MPHOSPH9: variants seen among roughly 807,000 people sequenced by gnomAD.
MPHOSPH9 encodes the protein M-phase phosphoprotein 9.
MPHOSPH9 carries 88 observed loss-of-function variants against 145.5 expected under a neutral mutation model. That is an observed-to-expected ratio of 0.60 (90% CI 0.51 to 0.72). The LOEUF is 0.72. MPHOSPH9 is among the 30% of genes least tolerant of loss of function. MPHOSPH9 has a pLI of 0.00. For synonymous variants in MPHOSPH9, 435 were observed against 486.2 expected, an observed-to-expected ratio of 0.89 and a Z score of 1.39; for missense variants, 1,238 against 1,386.6, an observed-to-expected ratio of 0.89 and a Z score of 1.70.
chr12:123,165,665 G>T, intron 17 of MPHOSPH9, 188 bp from the exon 18 acceptor site: 1 of 518,072 alleles, frequency 1.9e-6, no homozygotes, highest in Non-Finnish European at 3.4e-6. Flanking sequence ...TGGGATTAAT[G>T]CCCTTATGAA....
At chr12:123,166,432 CA>C in intron 17 of MPHOSPH9, 1 of 564,738 alleles carries the variant, frequency 1.8e-6, no homozygotes. Flanking sequence ...ATCCTAATCA[CA>C]AACCCATACT....
chr12:123,204,179 G>A (rs1194364431), intron 8 of MPHOSPH9, among the ~76,000 whole-genome samples: 1 of 152,028 alleles, frequency 6.6e-6, no homozygotes, highest in East Asian at 1.9e-4. Context: ...GCGCATGCCT[G>A]TAATCCCAGC....
At chr12:123,190,621 A>C (rs970566756) in intron 13 of MPHOSPH9, among the ~76,000 whole-genome samples, 3 of 152,162 alleles carry the variant, frequency 2.0e-5, no homozygotes, top group Admixed American at 2.0e-4. Flanking sequence ...GAAAGGGAAA[A>C]ACCAGGTTGC....
intron 20 of MPHOSPH9, chr12:123,162,678 C>A (rs2044158859): frequency 9.2e-6 from 2 of 218,192 alleles, no homozygotes; most frequent in Non-Finnish European, 1.8e-5. Context: ...AGGGCCATAC[C>A]AGTAAAGCCC....
chr12:123,154,312 T>C lies in MPHOSPH9; in HGVS notation c.*2495A>G, dbSNP rs1206723177. 6.6e-6 allele frequency: 1 copy of C among 152,076 alleles called. No homozygotes were observed. The highest frequency in any genetic ancestry group is 2.4e-5 in the African/African-American group (1 of 41,390). 9.4% of individuals were successfully genotyped at this position (152,076 alleles called of 1,614,324 possible). ...ATACCCGGGGATAATAGCTGCTATT[T>C]AGAATTGCCATCTTTCCTGCTTTTA... On this transcript the variant is annotated 3_prime_UTR_variant, in exon 24 of 24. Coordinates refer to ENST00000606320, the MANE Select transcript of MPHOSPH9 (RefSeq NM_022782.4).
At position 123,214,804 on chromosome 12, in the gene MPHOSPH9, C is replaced by G. The variant is rs2046889711; in HGVS notation, c.1027G>C (p.Ala343Pro). Residue 343 changes from alanine to proline, a missense_variant, in exon 7 of 24, where the codon GCT becomes CCT. Around this residue, in one of 3 missense-constraint regions of MPHOSPH9, gnomAD observed 837 missense variants for 897.5 expected, o/e 0.93. Transcript: ENST00000606320. ...SDFAAATHPR[A>P]FYLSKPDETP... is the part of the protein sequence containing the mutation. ...TCATCTGGTTTACTGAGGTAAAAAG[C>G]ACGAGGATGTGTAGCAGCAGCAAAA... The G allele has an allele frequency of 3.1e-6, 5 of 1,613,532 alleles. No individual in the cohort carries two copies. The highest frequency in any genetic ancestry group is 1.7e-5 in the Admixed American group (1 of 59,980).
At chr12:123,181,783 C>T (rs1301832939) in intron 13 of MPHOSPH9, among the ~76,000 whole-genome samples, 2 of 152,004 alleles carry the variant, frequency 1.3e-5, no homozygotes, top group Admixed American at 6.6e-5. Flanking sequence ...AGGAGGCTCA[C>T]TTGAGCCTGG....
At chr12:123,167,099 G>A (rs2044353103) in intron 16 of MPHOSPH9, among the ~76,000 whole-genome samples, 1 of 152,054 alleles carries the variant, frequency 6.6e-6, no homozygotes, top group African/African-American at 2.4e-5. Context: ...GTAGCTGAGG[G>A]TAAAGTGCTG....
chr12:123,161,274 C>A lies in MPHOSPH9; in HGVS notation c.3243G>T (p.Lys1081Asn). Residue 1081 changes from lysine to asparagine, a missense_variant, in exon 22 of 24, where the codon AAG (lysine) becomes AAT (asparagine). This residue lies in a region of MPHOSPH9 where 393 missense variants were observed against 462.5 expected (regional missense o/e 0.85). Transcript: ENST00000606320. ...ACTGTTCGTAGCTAACTGATTTATT[C>A]TTCTCCCAGGCTGTTCTCACAGATA... Reference protein sequence around the residue: ...KKVSVRTAWEKNKSVSYEQCK... With the variant: ...KKVSVRTAWENNKSVSYEQCK... The A allele has an allele frequency of 6.2e-7, 1 of 1,614,116 alleles. No homozygotes were observed. The highest frequency in any genetic ancestry group is 2.2e-5 in the East Asian group (1 of 44,882).
rs747612987 is a variant in MPHOSPH9, at chr12:123,165,473, G to T, written c.2596C>A (p.Arg866Ser). ...GAAGAATCCTTTTCCAGAGGTGAAC[G>T]GTGCCTTAAACAATAATTTTAAGAC... ...QLEETCSLGH[R>S]SPLEKDSSPG... is the part of the protein sequence containing the mutation. The change falls in exon 18 of 24, where the codon CGT becomes AGT. Residue 866 changes from arginine (R) to serine (S), a missense_variant. By Grantham distance (110) the Arg-to-Ser change is moderately radical. This residue lies in a region of MPHOSPH9 where 393 missense variants were observed against 462.5 expected (regional missense o/e 0.85). Coordinates refer to ENST00000606320, the MANE Select transcript of MPHOSPH9 (RefSeq NM_022782.4). The T allele has an allele frequency of 6.2e-7, 1 of 1,612,640 alleles. No homozygotes were observed. The highest frequency in any genetic ancestry group is 1.7e-5 in the Admixed American group (1 of 59,834).
At chr12:123,216,526 A>C (rs1409923226) in intron 6 of MPHOSPH9, among the ~76,000 whole-genome samples, 1 of 152,098 alleles carries the variant, frequency 6.6e-6, no homozygotes, top group African/African-American at 2.4e-5. Context: ...TCTGTGACAA[A>C]TTTAGAGCAA....
At chr12:123,242,153 A>T (rs1482433014) in intron 1 of MPHOSPH9, among the ~76,000 whole-genome samples, 1 of 152,192 alleles carries the variant, frequency 6.6e-6, no homozygotes, top group Non-Finnish European at 1.5e-5. Flanking sequence ...TTATCTCTGA[A>T]CTTAACCAAG....
chr12:123,209,039 T>A (rs2046576415), intron 8 of MPHOSPH9, among the ~76,000 whole-genome samples: 1 of 152,142 alleles, frequency 6.6e-6, no homozygotes, highest in African/African-American at 2.4e-5. Flanking sequence ...TTCAAGTGAT[T>A]CTCCTGCCTC....
intron 2 of MPHOSPH9, among the ~76,000 whole-genome samples, chr12:123,228,449 G>C (rs2047512522): frequency 6.6e-6 from 1 of 152,168 alleles, no homozygotes. Context: ...CAGCACTTTG[G>C]GAGGCCAAGG....
At chr12:123,219,231 CAATG>C (rs1487499122) in intron 5 of MPHOSPH9, among the ~76,000 whole-genome samples, 4 of 151,662 alleles carry the variant, frequency 2.6e-5, no homozygotes, top group Non-Finnish European at 4.4e-5. Flanking sequence ...AGCGGTAAGA[CAATG>C]AATTTTTATT....
At position 123,166,578 on chromosome 12, in the gene MPHOSPH9, C is replaced by T. The variant is rs2044329255; in HGVS notation, c.2591+77G>A. On this transcript the variant is annotated intron_variant, in intron 17 of 23. Transcript: ENST00000606320. ...ATTAAAGAACCAAAGAGAGGGCTTC[C>T]CAAACTTTTAAAAGCAATTGAAATC... is the stretch of plus-strand genomic sequence containing the variant. The T allele has an allele frequency of 2.6e-6, 4 of 1,535,208 alleles. No homozygotes were observed. The East Asian group carries it at 6.8e-5, about 26-fold the overall frequency.
chr12:123,179,716 T>A (rs145811563), intron 15 of MPHOSPH9, among the ~76,000 whole-genome samples: 6 of 128,762 alleles, frequency 4.7e-5, no homozygotes, highest in Non-Finnish European at 3.2e-5. Context: ...CCTGTCTCTT[T>A]AAAAAAAAAA....
intron 18 of MPHOSPH9, among the ~76,000 whole-genome samples, chr12:123,164,894 AG>A (rs2044247498): frequency 6.6e-6 from 1 of 151,898 alleles, no homozygotes; most frequent in African/African-American, 2.4e-5. Context: ...CTGTAATTCT[AG>A]GTACTTGAGA....
rs181390489 is a variant in MPHOSPH9, at chr12:123,210,075, G to A, written c.1175C>T (p.Thr392Ile). 1 of 1,610,490 alleles carries A rather than the reference G, an allele frequency of 6.2e-7. No homozygotes were observed. Among genetic ancestry groups the A allele is most frequent in the East Asian group, 2.2e-5 (1 of 44,738 alleles). Residue 392 changes from threonine (T) to isoleucine (I), a missense_variant, in exon 8 of 24, where the codon ACA becomes ATA. Around this residue, in one of 3 missense-constraint regions of MPHOSPH9, gnomAD observed 837 missense variants for 897.5 expected, o/e 0.93. Coordinates refer to ENST00000606320, the MANE Select transcript of MPHOSPH9 (RefSeq NM_022782.4). ...LEKTFISLSS[T>I]DVSPNQSNTS... Reference sequence around the variant, plus strand: ...AATTACCTGGTTTGGTGACACATCTGTGGAAGACAATGATATGAACGTCTT... The same window carrying A: ...AATTACCTGGTTTGGTGACACATCTATGGAAGACAATGATATGAACGTCTT...
Sources: allele counts gnomAD v4.1 joint callset (sites outside exome capture counted in the v4.1 genomes callset), GRCh38; gene constraint gnomAD v4.1.1; regional missense constraint gnomAD v4.1.1; transcripts MANE v1.5; gene names NCBI Gene and HGNC (gene_info 2026-07-23, HGNC 2026-07-21).